BUD13: variants seen among roughly 807,000 people sequenced by gnomAD.
BUD13 encodes the protein BUD13 spliceosome associated protein, also known as BUD13 homolog.
A neutral mutation model predicts 62.5 loss-of-function variants in BUD13; 47 were observed. The ratio of observed to expected loss-of-function variants is 0.75; its 90% CI spans 0.60 to 0.96. The LOEUF (loss-of-function observed/expected upper bound fraction) is 0.96, where lower values mean the gene tolerates loss of function less well. Ranked by LOEUF, BUD13 falls within the 40% of genes least tolerant of loss-of-function variation. The probability of loss-of-function intolerance (pLI) is 0.00; values close to 1 mark genes in which losing one functional copy is unlikely to be tolerated. For missense variants in BUD13, 821 were observed against 790.9 expected (o/e 1.04, Z -0.46); for synonymous variants, 293 against 280.1 (o/e 1.05, Z -0.46).
At chr11:116,754,459 G>A (rs993284343) in intron 9 of BUD13, among the ~76,000 whole-genome samples, 1 of 152,164 alleles carries the variant, frequency 6.6e-6, no homozygotes, top group Non-Finnish European at 1.5e-5. Flanking sequence ...TGGAATTAAT[G>A]CACTCCTAAA....
intron 9 of BUD13, among the ~76,000 whole-genome samples, chr11:116,752,083 A>T (rs867667474): frequency 3.3e-4 from 51 of 152,240 alleles, no homozygotes; most frequent in African/African-American, 1.2e-3. Context: ...AGCTGGGACT[A>T]CAGGCGCCCG....
At chr11:116,763,577 T>C (rs1940478174) in intron 3 of BUD13, among the ~76,000 whole-genome samples, 1 of 152,078 alleles carries the variant, frequency 6.6e-6, no homozygotes, top group African/African-American at 2.4e-5. Context: ...CAGCCTCTGT[T>C]TTCAGCTGAG....
At chr11:116,770,621 A>G (rs1281529892) in intron 1 of BUD13, among the ~76,000 whole-genome samples, 1 of 151,470 alleles carries the variant, frequency 6.6e-6, no homozygotes, top group African/African-American at 2.4e-5. Flanking sequence ...CAGCCTCCTG[A>G]GTAGCTGGGA....
chr11:116,762,669 G>A lies in BUD13; in HGVS notation c.920C>T (p.Ala307Val), dbSNP rs765298047. The A allele has an allele frequency of 6.2e-7, 1 of 1,614,146 alleles. No individual in the cohort carries two copies. Among genetic ancestry groups the A allele is most frequent in the Non-Finnish European group, 8.5e-7 (1 of 1,180,004 alleles). ...KTSPHWKESG[A>V]SHLSFPKNSK... is the part of the protein sequence containing the mutation. ...GTTCTTTGGGAATGACAAATGGGAG[G>A]CTCCTGACTCCTTCCAATGTGGAGA... Residue 307 changes from alanine (A) to valine (V), a missense_variant, in exon 4 of 10, where the codon GCC becomes GTC. Ala to Val is a moderately conservative substitution (Grantham distance 64, BLOSUM62 0). Around this residue, in one of 2 missense-constraint regions of BUD13, gnomAD observed 800 missense variants for 739.2 expected, o/e 1.08. Coordinates refer to ENST00000260210, the MANE Select transcript of BUD13 (RefSeq NM_032725.4).
Position 116,762,620 on chromosome 11 carries a change from G to A in BUD13, c.969C>T (p.Asp323=). 6 of 1,614,084 alleles carry A rather than the reference G, an allele frequency of 3.7e-6. No homozygotes were observed. The highest frequency in any genetic ancestry group is 5.1e-6 in the Non-Finnish European group (6 of 1,180,022). ...CTTGCTTTTTTCGTGGAGGAGAGAT[G>A]TCAGGGTCATACTCATATTTGCTGT... ...PKNSKYEYDP[D]ISPPRKKQAK... is the part of the protein sequence containing the mutation. The change falls in exon 4 of 10, where the codon GAC becomes GAT. Residue 323 remains aspartate (D), a synonymous_variant. Transcript: ENST00000260210.
chr11:116,772,964 TGGCAGCGGCGGG>T lies in BUD13; in HGVS notation c.-12_-1del, dbSNP rs1940660680. 6 of 1,549,530 alleles carry T rather than the reference TGGCAGCGGCGGG, an allele frequency of 3.9e-6. No individual in the cohort carries two copies. Among genetic ancestry groups the T allele is most frequent in the African/African-American group, 1.4e-5 (1 of 71,132 alleles). ...TTGGAAAGCGGCGGAGCTGCCGCCA[TGGCAGCGGCGGG>T]GGCAGAGAGACGGGTCGGCGCTGGG... On this transcript the variant is annotated 5_prime_UTR_variant, in exon 1 of 10. Coordinates refer to ENST00000260210, the MANE Select transcript of BUD13 (RefSeq NM_032725.4).
intron 6 of BUD13, 144 bp from the exon 7 acceptor site, chr11:116,758,551 T>A: frequency 1.3e-6 from 1 of 774,214 alleles, no homozygotes; most frequent in Non-Finnish European, 2.0e-6. Flanking sequence ...TCTTGGTGCA[T>A]ATTGGCACTG....
At chr11:116,768,663 C>T (rs1376056518) in intron 2 of BUD13, among the ~76,000 whole-genome samples, 4 of 151,952 alleles carry the variant, frequency 2.6e-5, no homozygotes, top group African/African-American at 9.7e-5. Flanking sequence ...CACTATTTCC[C>T]TTCTAATTAC....
chr11:116,765,636 T>C (rs1450838186), intron 2 of BUD13, among the ~76,000 whole-genome samples, 190 bp from the exon 3 acceptor site: 1 of 152,262 alleles, frequency 6.6e-6, no homozygotes. Context: ...TGTCACTGTA[T>C]TGGTTTAATT....
chr11:116,759,031 AC>A, intron 6 of BUD13, 42 bp downstream of exon 6: 2 of 1,411,074 alleles, frequency 1.4e-6, no homozygotes, highest in Non-Finnish European at 2.0e-6. Flanking sequence ...AAAAAAAAAA[AC>A]AGTATGAGCC....
intron 9 of BUD13, 81 bp downstream of exon 9, chr11:116,757,065 T>G: frequency 7.5e-7 from 1 of 1,327,924 alleles, no homozygotes; most frequent in Non-Finnish European, 1.1e-6. Context: ...AAGCAGAGAA[T>G]GAAATAAAGT....
intron 2 of BUD13, among the ~76,000 whole-genome samples, chr11:116,765,757 A>C (rs1039305839): frequency 6.6e-6 from 1 of 152,148 alleles, no homozygotes; most frequent in Non-Finnish European, 1.5e-5. Context: ...CTAACAACTA[A>C]ATTCCTTTTA....
intron 9 of BUD13, 80 bp downstream of exon 9, chr11:116,757,066 G>T: frequency 7.4e-7 from 1 of 1,346,746 alleles, no homozygotes; most frequent in Non-Finnish European, 1.1e-6. Flanking sequence ...AGCAGAGAAT[G>T]AAATAAAGTG....
intron 2 of BUD13, among the ~76,000 whole-genome samples, chr11:116,769,736 T>A (rs1330985199): frequency 1.3e-5 from 2 of 152,102 alleles, no homozygotes; most frequent in Admixed American, 1.3e-4. Context: ...CCTACAAATC[T>A]ACCCTAAGCT....
rs777568510 is a variant in BUD13 at position 116,762,695 on chromosome 11, A to G, written c.894T>C (p.Thr298=). The stretch of plus-strand genomic sequence containing the variant: ...CTCCTGACTCCTTCCAATGTGGAGA[A>G]GTCTTGCTAGAGGCTCTTTCTGGGG... ...GKAPERASSK[T]SPHWKESGAS... The change falls in exon 4 of 10, where the codon ACT becomes ACC. Residue 298 remains threonine (T), a synonymous_variant. Coordinates refer to ENST00000260210, the MANE Select transcript of BUD13 (RefSeq NM_032725.4). The G allele has an allele frequency of 5.6e-6, 9 of 1,614,206 alleles. No individual in the cohort carries two copies. Among genetic ancestry groups the G allele is most frequent in the Non-Finnish European group, 7.6e-6 (9 of 1,180,032 alleles).
At chr11:116,766,954 G>A (rs1446802274) in intron 2 of BUD13, among the ~76,000 whole-genome samples, 1 of 152,082 alleles carries the variant, frequency 6.6e-6, no homozygotes, top group Admixed American at 6.5e-5. Context: ...TTGGGAGGCT[G>A]AGGCGGGTGG....
At chr11:116,770,785 C>A (rs1046047651) in intron 1 of BUD13, among the ~76,000 whole-genome samples, 1 of 150,668 alleles carries the variant, frequency 6.6e-6, no homozygotes, top group Non-Finnish European at 1.5e-5. Context: ...TGAGCCACCG[C>A]GCCCGGCCCT....
chr11:116,756,326 C>T (rs188918972), intron 9 of BUD13, among the ~76,000 whole-genome samples: 349 of 152,130 alleles, frequency 2.3e-3, no homozygotes, highest in African/African-American at 7.0e-3. Context: ...AGCCTGGCAA[C>T]ATGGTGAAAC....
At chr11:116,751,492 G>A (rs1439765925) in intron 9 of BUD13, among the ~76,000 whole-genome samples, 2 of 152,124 alleles carry the variant, frequency 1.3e-5, no homozygotes, top group African/African-American at 4.8e-5. Context: ...AGCTGGGCGT[G>A]GTGCTCACGC....
Sources: gnomAD v4.1 joint callset for allele counts (sites outside exome capture counted in the v4.1 genomes callset) on GRCh38, gnomAD v4.1.1 for gene constraint, gnomAD v4.1.1 regional missense constraint, MANE v1.5 for transcripts, NCBI Gene and HGNC (gene_info 2026-07-23, HGNC 2026-07-21) for gene names.